ZNF567: variants seen among roughly 807,000 people sequenced by gnomAD.
ZNF567 encodes the protein zinc finger protein 567.
In ZNF567, 36 loss-of-function variants were observed where a neutral mutation model predicts 53.9. The observed-to-expected ratio is 0.67, with a 90% CI of 0.51 to 0.88. The LOEUF is 0.88. ZNF567 is among the 40% of genes least tolerant of loss of function. The pLI is 0.00. For synonymous variants in ZNF567, 224 were observed against 260.4 expected, an observed-to-expected ratio of 0.86 and a Z score of 1.35; for missense variants, 619 against 764.7, an observed-to-expected ratio of 0.81 and a Z score of 2.25.
chr19:36,704,198 G>C (rs1025195509), intron 3 of ZNF567, among the ~76,000 whole-genome samples: 11 of 152,294 alleles, frequency 7.2e-5, no homozygotes, highest in African/African-American at 2.6e-4. Flanking sequence ...TCAGCACTTT[G>C]GGAGGCCAGG....
At chr19:36,706,091 G>C (rs910244474) in intron 3 of ZNF567, among the ~76,000 whole-genome samples, 3 of 152,094 alleles carry the variant, frequency 2.0e-5, no homozygotes, top group Non-Finnish European at 4.4e-5. Context: ...TTGGGTTTCT[G>C]GTGGGGTCTG....
chr19:36,677,565 G>A, the ZNF567 span, among the ~76,000 whole-genome samples: 6 of 151,398 alleles, frequency 4.0e-5, no homozygotes, highest in African/African-American at 7.3e-5. Context: ...TGAGGAGTTC[G>A]AGACCAGCAT....
intron 3 of ZNF567, among the ~76,000 whole-genome samples, chr19:36,703,400 C>T (rs1012573491): frequency 9.9e-5 from 15 of 152,236 alleles, no homozygotes; most frequent in Admixed American, 2.0e-4. Flanking sequence ...CTTGAGGAGG[C>T]AGTCTGCCCG....
chr19:36,675,944 T>A, the ZNF567 span, among the ~76,000 whole-genome samples: 1 of 152,172 alleles, frequency 6.6e-6, no homozygotes, highest in Non-Finnish European at 1.5e-5. Flanking sequence ...TACATGTATC[T>A]GTATGTACAT....
downstream of ZNF567, among the ~76,000 whole-genome samples, chr19:36,724,075 C>T (rs1211329692): frequency 2.1e-5 from 3 of 142,006 alleles, no homozygotes; most frequent in Admixed American, 1.5e-4. Flanking sequence ...GGTGCGATCT[C>T]GGCTCACCAC....
the ZNF567 span, among the ~76,000 whole-genome samples, chr19:36,677,458 CAAAAAAAAAAAAAAAAA>C: frequency 2.0e-5 from 1 of 50,914 alleles, no homozygotes; most frequent in African/African-American, 6.6e-5. Context: ...GACTCTGTCT[CAAAAAAAAAAAAAAAAA>C]AAAAAAAAAG....
In ZNF567 at chr19:36,694,798, T is replaced by G. The variant is rs1000632125; in HGVS notation, c.-66-4T>G. 1 of 1,468,028 alleles carries G rather than the reference T, an allele frequency of 6.8e-7. No homozygotes were observed. The highest frequency in any genetic ancestry group is 1.4e-5 in the African/African-American group (1 of 69,508). The allele number at this position is 1,468,028 out of a possible 1,614,324, so 90.9% of individuals were successfully genotyped here. A position where few individuals can be genotyped will look rare whatever the true frequency, so the allele number is the denominator to read the frequency against. On this transcript the variant is annotated splice_polypyrimidine_tract_variant and splice_region_variant and intron_variant, in intron 2 of 5. Coordinates refer to ENST00000682579, the MANE Select transcript of ZNF567 (RefSeq NM_001322917.1). ...CTTTTTTTGTCTCGGCTTTGCCTCC[T>G]TAGGAACTGCCTCTTTTCTAAAGAG...
intron 3 of ZNF567, among the ~76,000 whole-genome samples, chr19:36,702,926 G>A (rs573468327): frequency 1.4e-4 from 22 of 151,774 alleles, no homozygotes; most frequent in Non-Finnish European, 2.8e-4. Flanking sequence ...CTCTCAACTC[G>A]TCAAAGTCAT....
At chr19:36,723,676 A>C (rs1326034275), downstream of ZNF567, among the ~76,000 whole-genome samples, 4 of 152,118 alleles carry the variant, frequency 2.6e-5, no homozygotes, top group African/African-American at 4.8e-5. Context: ...TCTACTAAAA[A>C]TACAAAAATT....
chr19:36,682,954 G>A (rs561622265), upstream of ZNF567, among the ~76,000 whole-genome samples: 1 of 151,742 alleles, frequency 6.6e-6, no homozygotes, highest in Non-Finnish European at 1.5e-5. Context: ...TAAAATTTGT[G>A]CTTCCTCTCT....
rs2059825794 is a variant in ZNF567 at position 36,720,965 on chromosome 19, T to C, written c.*297T>C. On this transcript the variant is annotated 3_prime_UTR_variant, in exon 6 of 6. Transcript: ENST00000682579. ...CATGCAGAGACAAGATACACAATGATTATAAGTATTAATCTCCATAAGAGA... is the reference window on the plus strand; with the variant it reads ...CATGCAGAGACAAGATACACAATGACTATAAGTATTAATCTCCATAAGAGA... 1.1e-5 allele frequency: 2 copies of C among 188,064 alleles called. No homozygotes were observed. Among genetic ancestry groups the C allele is most frequent in the Non-Finnish European group, 2.2e-5 (2 of 91,408 alleles). 11.6% of individuals were successfully genotyped at this position (188,064 alleles called of 1,614,324 possible). A position where few individuals can be genotyped will look rare whatever the true frequency, so the allele number is the denominator to read the frequency against.
At chr19:36,707,600 G>A (rs149376178) in intron 3 of ZNF567, among the ~76,000 whole-genome samples, 23 of 151,962 alleles carry the variant, frequency 1.5e-4, no homozygotes, top group Non-Finnish European at 2.4e-4. Context: ...TTGTTGAAAC[G>A]GAGTTTTACT....
intron 3 of ZNF567, among the ~76,000 whole-genome samples, chr19:36,695,302 G>C (rs2145609785): frequency 6.6e-6 from 1 of 152,128 alleles, no homozygotes; most frequent in Non-Finnish European, 1.5e-5. Context: ...GCCGAGGTGG[G>C]CAGATCACCT....
At chr19:36,675,927 G>A in the ZNF567 span, among the ~76,000 whole-genome samples, 1 of 151,962 alleles carries the variant, frequency 6.6e-6, no homozygotes, top group African/African-American at 2.4e-5. Flanking sequence ...CTATTTGTAT[G>A]TATATGTACA....
In ZNF567 at chr19:36,720,261, T is replaced by C. The variant is rs773788415; in HGVS notation, c.1537T>C (p.Ser513Pro). 1.2e-6 allele frequency: 2 copies of C among 1,613,988 alleles called. No individual in the cohort carries two copies. Among genetic ancestry groups the C allele is most frequent in the Non-Finnish European group, 1.7e-6 (2 of 1,179,966 alleles). Residue 513 changes from serine to proline, a missense_variant, in exon 6 of 6, where the codon TCA becomes CCA. Transcript: ENST00000682579. The stretch of plus-strand genomic sequence containing the variant: ...ATATGAATGTAATGAATGTGGTAAA[T>C]CATTCAGTCAAAAGACAAATCTCAA... ...KPYECNECGKSFSQKTNLNLH... is the reference protein window; with the variant it reads ...KPYECNECGKPFSQKTNLNLH...
intron 3 of ZNF567, among the ~76,000 whole-genome samples, chr19:36,706,361 A>G (rs2039486602): frequency 6.6e-6 from 1 of 152,164 alleles, no homozygotes; most frequent in Non-Finnish European, 1.5e-5. Flanking sequence ...TGGCACAATC[A>G]TGGCTCACTT....
chr19:36,708,336 T>C (rs1345733421), intron 3 of ZNF567, among the ~76,000 whole-genome samples: 3 of 152,250 alleles, frequency 2.0e-5, no homozygotes, highest in Non-Finnish European at 4.4e-5. Flanking sequence ...GATTTTGTTA[T>C]GTTACGTTAA....
At chr19:36,724,162 A>G (rs2040324978), downstream of ZNF567, among the ~76,000 whole-genome samples, 1 of 151,022 alleles carries the variant, frequency 6.6e-6, no homozygotes, top group South Asian at 2.1e-4. Context: ...ATGTTCCCCC[A>G]TGCCTGGCTA....
intron 3 of ZNF567, among the ~76,000 whole-genome samples, chr19:36,701,116 T>C (rs544107701): frequency 6.6e-6 from 1 of 152,330 alleles, no homozygotes; most frequent in South Asian, 2.1e-4. Context: ...GATTCTGGTA[T>C]GTTGTGCTTT....
Sources: allele counts gnomAD v4.1 joint callset (sites outside exome capture counted in the v4.1 genomes callset), GRCh38; gene constraint gnomAD v4.1.1; transcripts MANE v1.5; gene names NCBI Gene and HGNC (gene_info 2026-07-23, HGNC 2026-07-21).